Variants in TMEM132D observed in about 807,000 individuals in gnomAD.
The protein encoded by TMEM132D is mature OL transmembrane protein.
A neutral mutation model predicts 62.3 loss-of-function variants in TMEM132D; 21 were observed. The observed-to-expected ratio is 0.34, with a 90% confidence interval of 0.24 to 0.49. The LOEUF (loss-of-function observed/expected upper bound fraction) is 0.49. TMEM132D is among the 20% of genes least tolerant of loss of function. The pLI is 0.99. For synonymous variants in TMEM132D, 621 were observed against 575.6 expected, an observed-to-expected ratio of 1.08 and a Z score of -1.13; for missense variants, 1,346 against 1,402.8, an observed-to-expected ratio of 0.96 and a Z score of 0.65.
In TMEM132D at chr12:129,903,375, G is replaced by A; in HGVS notation, c.-36C>T. On this transcript the variant is annotated 5_prime_UTR_variant, in exon 1 of 9. Transcript: ENST00000422113. The surrounding 1 kb of genome is among the most constrained non-coding windows in gnomAD (Gnocchi z 6.2). ...CGGAGCGCAGATCCTCCGCTCCCCG[G>A]CGCCGTCCAGGCGAACAAGAGACCG... The A allele has an allele frequency of 2.6e-6, 4 of 1,547,400 alleles. No individual in the cohort carries two copies. The highest frequency in any genetic ancestry group is 3.5e-6 in the Non-Finnish European group (4 of 1,143,586).
chr12:129,132,549 G>A (rs990933422), intron 5 of TMEM132D, among the ~76,000 whole-genome samples: 9 of 152,096 alleles, frequency 5.9e-5, no homozygotes, highest in African/African-American at 1.9e-4. Context: ...GTCTCCAGAA[G>A]GTATTTGTTT....
intron 4 of TMEM132D, among the ~76,000 whole-genome samples, chr12:129,303,678 C>T (rs923163583): frequency 2.6e-5 from 4 of 152,104 alleles, no homozygotes; most frequent in African/African-American, 9.7e-5. Flanking sequence ...ACAGGATATA[C>T]ACAGATGTGT....
intron 4 of TMEM132D, among the ~76,000 whole-genome samples, chr12:129,302,227 G>A (rs1358361772): frequency 1.3e-5 from 2 of 152,228 alleles, no homozygotes; most frequent in Non-Finnish European, 2.9e-5. Context: ...CGATTCTCCT[G>A]CCTCAGCCTC....
At chr12:129,272,283 G>T (rs1338987222) in intron 4 of TMEM132D, among the ~76,000 whole-genome samples, 1 of 151,874 alleles carries the variant, frequency 6.6e-6, no homozygotes, top group Non-Finnish European at 1.5e-5. Flanking sequence ...ATTTTAGACA[G>T]ATCAGTAAGT....
chr12:129,558,540 C>A (rs902921621), intron 2 of TMEM132D, among the ~76,000 whole-genome samples: 1 of 152,150 alleles, frequency 6.6e-6, no homozygotes, highest in East Asian at 1.9e-4. Flanking sequence ...CGTGAGCAAT[C>A]TCTGTGAAGC....
intron 3 of TMEM132D, among the ~76,000 whole-genome samples, chr12:129,357,535 GAAAGAAAGA>G (rs1330502122): frequency 1.3e-5 from 2 of 149,822 alleles, no homozygotes; most frequent in African/African-American, 2.5e-5. Context: ...GGAAAGAAAG[GAAAGAAAGA>G]AAAGAAAGAA....
chr12:129,304,735 C>A (rs1332652846), intron 4 of TMEM132D, among the ~76,000 whole-genome samples: 1 of 144,850 alleles, frequency 6.9e-6, no homozygotes, highest in Non-Finnish European at 1.5e-5. Context: ...GCAATCTCAG[C>A]TCACTGAAAT....
At chr12:129,505,301 G>A (rs1471636133) in intron 3 of TMEM132D, among the ~76,000 whole-genome samples, 1 of 151,474 alleles carries the variant, frequency 6.6e-6, no homozygotes, top group Non-Finnish European at 1.5e-5. Context: ...GGAGTGCAGT[G>A]GCGCAATCTT....
At chr12:129,883,018 C>G (rs1234479706) in intron 1 of TMEM132D, among the ~76,000 whole-genome samples, 2 of 151,998 alleles carry the variant, frequency 1.3e-5, no homozygotes, top group Non-Finnish European at 2.9e-5. Flanking sequence ...TTCTGGGGAC[C>G]CTGGCCAGTG....
chr12:129,842,101 T>G (rs1285959452), intron 1 of TMEM132D, among the ~76,000 whole-genome samples: 13,428 of 138,142 alleles, frequency 0.097, 772 homozygotes, highest in East Asian at 0.43. Context: ...CGGCTAATTT[T>G]TTTTTTTTTT....
In TMEM132D at chr12:129,689,515, CTCTT is replaced by C. The variant is rs1881013077; in HGVS notation, c.968+10291_968+10294del. 2.6e-5 allele frequency among the ~76,000 whole-genome samples: 4 copies of C among 152,192 alleles called. No homozygotes were observed. The South Asian group carries it at 8.3e-4, about 32-fold the overall frequency. ...TGCTCCCCAACTGCCTGCAGCATGA[CTCTT>C]TGTAAACTGACTCCCAATTCTTCCA... On this transcript the variant is annotated intron_variant, in intron 2 of 8. Coordinates refer to ENST00000422113, the MANE Select transcript of TMEM132D (RefSeq NM_133448.3).
chr12:129,490,968 G>T (rs1050658912), intron 3 of TMEM132D, among the ~76,000 whole-genome samples: 1 of 152,056 alleles, frequency 6.6e-6, no homozygotes, highest in Non-Finnish European at 1.5e-5. Flanking sequence ...GACCCCTGCT[G>T]GTTCCCACGG....
chr12:129,377,630 G>C (rs982893445), intron 3 of TMEM132D, among the ~76,000 whole-genome samples: 1 of 152,096 alleles, frequency 6.6e-6, no homozygotes, highest in Non-Finnish European at 1.5e-5. Context: ...ATCTTGTTCT[G>C]GTCCTGATAT....
chr12:129,862,461 A>C (rs1873930674), intron 1 of TMEM132D, among the ~76,000 whole-genome samples: 1 of 152,176 alleles, frequency 6.6e-6, no homozygotes, highest in South Asian at 2.1e-4. Flanking sequence ...GCACAGAGCA[A>C]ACCTGCCCTT....
intron 1 of TMEM132D, among the ~76,000 whole-genome samples, chr12:129,842,016 T>C (rs888752388): frequency 1.5e-4 from 22 of 150,410 alleles, no homozygotes; most frequent in African/African-American, 4.4e-4. Context: ...CTGCAAGCTC[T>C]GCCTCCTGGT....
At chr12:129,503,001 G>C (rs7306222) in intron 3 of TMEM132D, among the ~76,000 whole-genome samples, 2,189 of 152,208 alleles carry the variant, frequency 0.014, 57 homozygotes, top group African/African-American at 0.049. Flanking sequence ...CTATATCTCT[G>C]GTATCTGCAA....
intron 1 of TMEM132D, among the ~76,000 whole-genome samples, chr12:129,771,853 C>T (rs1870765501): frequency 6.6e-6 from 1 of 152,210 alleles, no homozygotes; most frequent in Non-Finnish European, 1.5e-5. Flanking sequence ...ACCTCTAGGA[C>T]TTTACAAATA....
intron 1 of TMEM132D, among the ~76,000 whole-genome samples, chr12:129,872,243 T>C (rs997038509): frequency 6.6e-6 from 1 of 152,150 alleles, no homozygotes; most frequent in East Asian, 1.9e-4. Flanking sequence ...ACCCAATCTC[T>C]TTTTCCTGAT....
chr12:129,134,071 TTGTG>T (rs145876975), intron 5 of TMEM132D, among the ~76,000 whole-genome samples: 3,800 of 151,278 alleles, frequency 0.025, 63 homozygotes, highest in East Asian at 0.091. Context: ...GAGTATTGTG[TTGTG>T]TGTGTGTGTT....
Sources: gnomAD v4.1 joint callset for allele counts (sites outside exome capture counted in the v4.1 genomes callset) on GRCh38, gnomAD v4.1.1 for gene constraint, Gnocchi (gnomAD v3.1) non-coding constraint, MANE v1.5 for transcripts, NCBI Gene and HGNC (gene_info 2026-07-23, HGNC 2026-07-21) for gene names.